PLD3: variants seen among roughly 807,000 people sequenced by gnomAD.
PLD3 encodes the protein 5'-3' exonuclease PLD3.
In PLD3, 31 loss-of-function variants were observed where a neutral mutation model predicts 58.4. The ratio of observed to expected loss-of-function variants is 0.53; its 90% CI spans 0.40 to 0.72. The LOEUF (loss-of-function observed/expected upper bound fraction) is 0.72. PLD3 is among the 30% of genes least tolerant of loss of function. The probability of loss-of-function intolerance (pLI) is 0.00; values close to 1 mark genes in which losing one functional copy is unlikely to be tolerated. For synonymous variants in PLD3, 264 were observed against 273.4 expected, an observed-to-expected ratio of 0.97 and a Z score of 0.34; for missense variants, 595 against 659.8, an observed-to-expected ratio of 0.90 and a Z score of 1.08.
At chr19:40,366,941 G>T (rs1355730514) in intron 5 of PLD3, 26 bp downstream of exon 5, 6 of 1,578,126 alleles carry the variant, frequency 3.8e-6, no homozygotes, top group Middle Eastern at 3.4e-4. Flanking sequence ...TGCAGTTGGT[G>T]GGGGAGGGGC....
intron 1 of PLD3, chr19:40,358,786 T>C (rs975514585): frequency 1.3e-5 from 2 of 152,334 alleles, no homozygotes; most frequent in African/African-American, 4.8e-5. Context: ...GTGGCAGAGG[T>C]GTGATCTGAA....
chr19:40,371,551 T>C (rs1342954457), intron 8 of PLD3, 122 bp from the exon 9 acceptor site: 1 of 625,068 alleles, frequency 1.6e-6, no homozygotes, highest in Non-Finnish European at 2.9e-6. Context: ...CTTTAGCTAT[T>C]GGAGCTGGGG....
At position 40,363,006 on chromosome 19, in the gene PLD3, C is replaced by T. The variant is rs117066545; in HGVS notation, c.-278-2712C>T. Among the ~76,000 whole-genome samples, 125 of 152,208 alleles carry T rather than the reference C, an allele frequency of 8.2e-4. 1 individual carries two copies. The highest frequency in any genetic ancestry group is 1.4e-3 in the Admixed American group (21 of 15,260). On this transcript the variant is annotated intron_variant, in intron 1 of 12. Transcript: ENST00000409735. The stretch of plus-strand genomic sequence containing the variant: ...TCTGGAACTCCTGGGCTCAAGCAGT[C>T]CTCTCACCTCAGCCTCCCAAAGTGC...
chr19:40,369,010 A>T (rs969442947), intron 6 of PLD3, among the ~76,000 whole-genome samples: 2 of 152,208 alleles, frequency 1.3e-5, no homozygotes, highest in Non-Finnish European at 2.9e-5. Flanking sequence ...CTGTGGTCCC[A>T]GCTACTTGGG....
chr19:40,376,474 C>A, intron 10 of PLD3, 135 bp from the exon 11 acceptor site: 2 of 789,026 alleles, frequency 2.5e-6, no homozygotes, highest in Non-Finnish European at 4.1e-6. Context: ...GGAACAGGGT[C>A]TGGGAGCCAG....
At chr19:40,372,177 A>G (rs958838000) in intron 9 of PLD3, among the ~76,000 whole-genome samples, 2 of 152,110 alleles carry the variant, frequency 1.3e-5, no homozygotes, top group Non-Finnish European at 2.9e-5. Flanking sequence ...CTTTCAGTTT[A>G]AGTTAATTAA....
At chr19:40,353,063 C>T (rs766317915) in intron 1 of PLD3, among the ~76,000 whole-genome samples, 3 of 152,192 alleles carry the variant, frequency 2.0e-5, no homozygotes, top group Admixed American at 6.5e-5. Flanking sequence ...GGGTCCCTCG[C>T]CTGATGTGAT....
At chr19:40,373,129 G>T (rs1238674748) in intron 9 of PLD3, among the ~76,000 whole-genome samples, 1 of 152,178 alleles carries the variant, frequency 6.6e-6, no homozygotes, top group African/African-American at 2.4e-5. Flanking sequence ...TCCAAGCCCA[G>T]AGTCATCGTG....
chr19:40,367,060 C>A, intron 5 of PLD3, 145 bp downstream of exon 5: 1 of 766,742 alleles, frequency 1.3e-6, no homozygotes, highest in Non-Finnish European at 2.0e-6. Flanking sequence ...CTCGCCCGCC[C>A]CCTCCTCCTC....
intron 1 of PLD3, among the ~76,000 whole-genome samples, chr19:40,350,047 G>T (rs1434306250): frequency 8.9e-5 from 13 of 145,288 alleles, no homozygotes; most frequent in Non-Finnish European, 1.5e-4. Context: ...GATCACCTCA[G>T]GTCGGAAGTT....
intron 1 of PLD3, among the ~76,000 whole-genome samples, chr19:40,349,274 A>C (rs908836180): frequency 1.3e-5 from 2 of 151,986 alleles, no homozygotes; most frequent in African/African-American, 4.8e-5. Context: ...CTCTTACGTC[A>C]TCATTACCCC....
At chr19:40,367,996 C>T (rs1234486965) in intron 6 of PLD3, 117 bp downstream of exon 6, 11 of 861,058 alleles carry the variant, frequency 1.3e-5, no homozygotes, top group Non-Finnish European at 1.9e-5. Context: ...GTGTCTCACA[C>T]AGCAGATTGG....
chr19:40,361,248 A>T (rs1246008626), intron 1 of PLD3, among the ~76,000 whole-genome samples: 1 of 152,056 alleles, frequency 6.6e-6, no homozygotes, highest in East Asian at 1.9e-4. Context: ...AGTAGCTGGG[A>T]TTACAGGCAT....
chr19:40,357,276 G>C (rs1157673083), intron 1 of PLD3: 2 of 152,152 alleles, frequency 1.3e-5, no homozygotes, highest in Admixed American at 1.3e-4. Context: ...TAAAATTAGA[G>C]ACAGGGGTCT....
intron 8 of PLD3, 163 bp from the exon 9 acceptor site, chr19:40,371,510 A>T: frequency 1.7e-6 from 1 of 594,482 alleles, no homozygotes; most frequent in African/African-American, 1.9e-5. Context: ...ACTGATTTTC[A>T]TCAAAACTTA....
chr19:40,362,826 C>A (rs115706481), intron 1 of PLD3, among the ~76,000 whole-genome samples: 1,759 of 152,338 alleles, frequency 0.012, 32 homozygotes, highest in African/African-American at 0.039. Context: ...TTAAACTAAT[C>A]ATTACAGACC....
chr19:40,372,418 GC>G (rs1377584807), intron 9 of PLD3, among the ~76,000 whole-genome samples: 1 of 152,074 alleles, frequency 6.6e-6, no homozygotes, highest in Non-Finnish European at 1.5e-5. Flanking sequence ...GATCACTTGA[GC>G]CCAGGAAATC....
chr19:40,362,125 C>T lies in PLD3; in HGVS notation c.-278-3593C>T, dbSNP rs571111790. ...GTGCTGGCATTACAGGCGTGAGACA[C>T]CGCGCCTGGCCTCTGTTTTTCCCTC... On this transcript the variant is annotated intron_variant, in intron 1 of 12. Coordinates refer to ENST00000409735, the MANE Select transcript of PLD3 (RefSeq NM_012268.4). Among the ~76,000 whole-genome samples, 375 of 152,328 alleles carry T rather than the reference C, an allele frequency of 2.5e-3. 2 individuals carry two copies. The highest frequency in any genetic ancestry group is 4.4e-3 in the Admixed American group (67 of 15,292).
chr19:40,354,136 C>T (rs1236995052), intron 1 of PLD3, among the ~76,000 whole-genome samples: 2 of 144,464 alleles, frequency 1.4e-5, no homozygotes, highest in Non-Finnish European at 3.0e-5. Context: ...TGCAGTGGCG[C>T]GATCTCGGCT....
Sources: gnomAD v4.1 joint callset for allele counts (sites outside exome capture counted in the v4.1 genomes callset) on GRCh38, gnomAD v4.1.1 for gene constraint, MANE v1.5 for transcripts, NCBI Gene and HGNC (gene_info 2026-07-23, HGNC 2026-07-21) for gene names.